The following BMPR1B variants were observed in gnomAD, a reference collection of about 807,000 sequenced individuals.
BMPR1B encodes bone morphogenetic protein receptor type-1B.
BMPR1B carries 12 observed loss-of-function variants against 59.1 expected under a neutral mutation model. The ratio of observed to expected loss-of-function variants is 0.20; its 90% CI spans 0.13 to 0.33. The LOEUF (loss-of-function observed/expected upper bound fraction) is 0.33, where lower values mean the gene tolerates loss of function less well. Ranked by LOEUF, BMPR1B falls within the 10% of genes least tolerant of loss-of-function variation. BMPR1B has a pLI of 1.00. For synonymous variants in BMPR1B, 237 were observed against 207.3 expected (o/e 1.14, Z -1.23); for missense variants, 550 against 610.9 (o/e 0.90, Z 1.05).
chr4:95,029,011 CTCT>C (rs150577357), intron 3 of BMPR1B, among the ~76,000 whole-genome samples: 7,623 of 151,808 alleles, frequency 0.05, 254 homozygotes, highest in African/African-American at 0.097. Flanking sequence ...TTGAAATGAT[CTCT>C]TATCTGTGTC....
intron 1 of BMPR1B, among the ~76,000 whole-genome samples, chr4:94,797,295 T>C (rs370299364): frequency 2.6e-4 from 40 of 152,282 alleles, no homozygotes; most frequent in African/African-American, 9.6e-4. Flanking sequence ...AGAATTCAAT[T>C]TGAGATTTGG....
At chr4:94,908,007 A>C (rs1728113303) in intron 2 of BMPR1B, among the ~76,000 whole-genome samples, 1 of 140,038 alleles carries the variant, frequency 7.1e-6, no homozygotes, top group South Asian at 2.3e-4. Context: ...CAATGCTCTT[A>C]CCTGTGAATA....
Position 95,087,341 on chromosome 4 carries a change from G to A in BMPR1B, c.-17-17067G>A, listed in dbSNP as rs1311251696. ...TTAATTTTATAGTGTTTTCCTTGAA[G>A]CATTTTAACATGCTAGAGATAGATG... On this transcript the variant is annotated intron_variant, in intron 3 of 12. Coordinates refer to ENST00000515059, the MANE Select transcript of BMPR1B (RefSeq NM_001203.3). Among the ~76,000 whole-genome samples, 15 of 152,138 alleles carry A rather than the reference G, an allele frequency of 9.9e-5. 1 individual carries two copies. The highest frequency in any genetic ancestry group is 2.9e-5 in the Non-Finnish European group (2 of 68,026).
intron 3 of BMPR1B, among the ~76,000 whole-genome samples, chr4:95,043,872 C>T (rs1165044501): frequency 2.0e-5 from 3 of 152,068 alleles, no homozygotes; most frequent in Non-Finnish European, 2.9e-5. Context: ...AATATTGGAG[C>T]TCTTGCTAGT....
At chr4:94,795,980 T>G (rs1175596681) in intron 1 of BMPR1B, among the ~76,000 whole-genome samples, 2 of 151,866 alleles carry the variant, frequency 1.3e-5, no homozygotes, top group African/African-American at 2.4e-5. Flanking sequence ...CTTTTTTTTT[T>G]TTGAGATGGA....
intron 2 of BMPR1B, among the ~76,000 whole-genome samples, chr4:94,973,660 AG>A (rs1194971476): frequency 6.6e-6 from 1 of 152,126 alleles, no homozygotes; most frequent in Non-Finnish European, 1.5e-5. Context: ...CAGGGATAGA[AG>A]TTCTCACTTT....
chr4:95,100,584 C>T (rs1730747485), intron 3 of BMPR1B, among the ~76,000 whole-genome samples: 1 of 152,068 alleles, frequency 6.6e-6, no homozygotes, highest in African/African-American at 2.4e-5. Flanking sequence ...ATTAGGAACT[C>T]ATGAGTTTTC....
intron 2 of BMPR1B, among the ~76,000 whole-genome samples, chr4:94,965,626 A>T (rs1382701357): frequency 6.6e-6 from 1 of 152,196 alleles, no homozygotes; most frequent in African/African-American, 2.4e-5. Context: ...ATTGGAGAAA[A>T]CATAGACAAT....
intron 3 of BMPR1B, among the ~76,000 whole-genome samples, chr4:95,089,675 A>C (rs1729837894): frequency 1.3e-5 from 2 of 152,090 alleles, no homozygotes; most frequent in African/African-American, 4.8e-5. Flanking sequence ...GCCCAGATTG[A>C]AGATAACACA....
At chr4:95,089,194 A>G (rs1729805024) in intron 3 of BMPR1B, among the ~76,000 whole-genome samples, 1 of 152,200 alleles carries the variant, frequency 6.6e-6, no homozygotes, top group Non-Finnish European at 1.5e-5. Flanking sequence ...GTGGAAAAAC[A>G]TAACACACAC....
At chr4:95,083,508 G>T (rs1333320931) in intron 3 of BMPR1B, among the ~76,000 whole-genome samples, 1 of 152,154 alleles carries the variant, frequency 6.6e-6, no homozygotes, top group Non-Finnish European at 1.5e-5. Flanking sequence ...GTGTGTGTTA[G>T]AGGGGAAAAG....
chr4:94,870,510 T>C (rs990987459), intron 1 of BMPR1B, among the ~76,000 whole-genome samples: 2 of 152,162 alleles, frequency 1.3e-5, no homozygotes, highest in Non-Finnish European at 2.9e-5. Flanking sequence ...AGTGCAAGTT[T>C]TGGATTAATA....
At chr4:94,796,868 AT>A (rs1173560490) in intron 1 of BMPR1B, among the ~76,000 whole-genome samples, 2 of 152,204 alleles carry the variant, frequency 1.3e-5, no homozygotes, top group African/African-American at 4.8e-5. Context: ...TTGATTTGTA[AT>A]TATAGTCAGG....
chr4:95,107,209 A>G (rs1731254494), intron 4 of BMPR1B, among the ~76,000 whole-genome samples: 1 of 152,088 alleles, frequency 6.6e-6, no homozygotes, highest in South Asian at 2.1e-4. Flanking sequence ...AAGAATTCAC[A>G]ATAAAGCAGT....
At chr4:95,077,952 A>G (rs376837332) in intron 3 of BMPR1B, among the ~76,000 whole-genome samples, 88 of 152,324 alleles carry the variant, frequency 5.8e-4, no homozygotes, top group Admixed American at 2.8e-3. Flanking sequence ...AAATGCATCT[A>G]TGTAGCACTT....
At chr4:95,096,775 T>G (rs373423458) in intron 3 of BMPR1B, among the ~76,000 whole-genome samples, 1 of 103,060 alleles carries the variant, frequency 9.7e-6, no homozygotes, top group Non-Finnish European at 2.0e-5. Flanking sequence ...CTATGTATAG[T>G]TATATATAAC....
intron 1 of BMPR1B, among the ~76,000 whole-genome samples, chr4:94,805,905 G>T (rs942808491): frequency 6.6e-6 from 1 of 152,190 alleles, no homozygotes; most frequent in East Asian, 1.9e-4. Context: ...AATAAATATG[G>T]ATCTAGAAAA....
chr4:95,025,089 A>G (rs1189461852), intron 3 of BMPR1B, among the ~76,000 whole-genome samples: 1 of 152,230 alleles, frequency 6.6e-6, no homozygotes, highest in East Asian at 1.9e-4. Context: ...TCCATCTCAA[A>G]AAAAGAAAAT....
At chr4:94,892,922 A>C (rs1727454987) in intron 2 of BMPR1B, among the ~76,000 whole-genome samples, 1 of 152,052 alleles carries the variant, frequency 6.6e-6, no homozygotes, top group Non-Finnish European at 1.5e-5. Context: ...AGTTTGAGTA[A>C]TTTTATATTC....
Sources: allele counts gnomAD v4.1 joint callset (sites outside exome capture counted in the v4.1 genomes callset), GRCh38; gene constraint gnomAD v4.1.1; transcripts MANE v1.5; gene names NCBI Gene and HGNC (gene_info 2026-07-23, HGNC 2026-07-21).